The following BCHE variants were observed in gnomAD, a reference collection of about 807,000 sequenced individuals.
The protein encoded by BCHE is cholinesterase.
In BCHE, 48 loss-of-function variants were observed where a neutral mutation model predicts 51.3. That is an observed-to-expected ratio of 0.94 (90% CI 0.74 to 1.19). The LOEUF (loss-of-function observed/expected upper bound fraction) is 1.19. BCHE is among the 50% of genes most tolerant of loss of function. The probability of loss-of-function intolerance (pLI) is 0.00; values close to 1 mark genes in which losing one functional copy is unlikely to be tolerated. For synonymous variants in BCHE, 251 were observed against 238.0 expected, an observed-to-expected ratio of 1.05 and a Z score of -0.50; for missense variants, 847 against 708.2, an observed-to-expected ratio of 1.20 and a Z score of -2.23.
Position 165,829,932 on chromosome 3 carries a change from C to G in BCHE, c.1102G>C (p.Asp368His). Residue 368 changes from aspartate (D) to histidine (H), a missense_variant, in exon 2 of 4, where the codon GAT becomes CAT. Asp to His is a moderately conservative substitution (Grantham distance 81, BLOSUM62 -1). Coordinates refer to ENST00000264381, the MANE Select transcript of BCHE (RefSeq NM_000055.4). ...TTTCTAGTTATGATACTATTGTTAT[C>G]TTTGCTGAAGCCAGGAGCACCATAG... ...LVYGAPGFSK[D>H]NNSIITRKEF... The G allele has an allele frequency of 1.9e-6, 3 of 1,613,480 alleles. No homozygotes were observed. The highest frequency in any genetic ancestry group is 2.5e-6 in the Non-Finnish European group (3 of 1,179,806).
chr3:165,782,205 A>T (rs1712733994), intron 3 of BCHE, among the ~76,000 whole-genome samples: 1 of 152,102 alleles, frequency 6.6e-6, no homozygotes. Flanking sequence ...ATCAATAATA[A>T]TATCCTTTTT....
At chr3:165,793,476 G>T (rs920216723) in intron 2 of BCHE, among the ~76,000 whole-genome samples, 4 of 151,938 alleles carry the variant, frequency 2.6e-5, no homozygotes, top group African/African-American at 9.7e-5. Context: ...TCATTTGATT[G>T]CTTTGTTCAC....
chr3:165,809,974 G>A (rs949443982), intron 2 of BCHE, among the ~76,000 whole-genome samples: 2 of 152,124 alleles, frequency 1.3e-5, no homozygotes, highest in Non-Finnish European at 2.9e-5. Flanking sequence ...ACAGGGGTCA[G>A]TAGAATTTTA....
intron 2 of BCHE, among the ~76,000 whole-genome samples, chr3:165,820,487 T>G (rs1576864420): frequency 6.6e-6 from 1 of 152,112 alleles, no homozygotes; most frequent in East Asian, 1.9e-4. Context: ...AAAAAAAGAT[T>G]TAAAGTGATA....
intron 2 of BCHE, among the ~76,000 whole-genome samples, chr3:165,819,371 C>A (rs913379262): frequency 4.6e-5 from 7 of 151,894 alleles, no homozygotes; most frequent in African/African-American, 9.7e-5. Flanking sequence ...AGCCACCATG[C>A]CTGGCCTAGG....
intron 2 of BCHE, among the ~76,000 whole-genome samples, chr3:165,812,090 T>A (rs142171862): frequency 6.6e-5 from 10 of 152,154 alleles, no homozygotes; most frequent in African/African-American, 2.2e-4. Flanking sequence ...ACCACCTGAA[T>A]TACATCAGGA....
intron 2 of BCHE, among the ~76,000 whole-genome samples, chr3:165,789,457 T>C (rs1462834151): frequency 2.0e-5 from 3 of 152,158 alleles, no homozygotes; most frequent in African/African-American, 7.2e-5. Context: ...ATTATGCATC[T>C]AGCTTCAAAA....
At chr3:165,785,239 C>G (rs1376621879) in intron 3 of BCHE, among the ~76,000 whole-genome samples, 2 of 151,814 alleles carry the variant, frequency 1.3e-5, no homozygotes, top group Admixed American at 6.6e-5. Flanking sequence ...CTGAAAATTA[C>G]AGATCGTCAT....
chr3:165,819,626 CTCTA>C (rs990916237), intron 2 of BCHE, among the ~76,000 whole-genome samples: 25 of 152,098 alleles, frequency 1.6e-4, no homozygotes, highest in African/African-American at 5.5e-4. Flanking sequence ...TATTTTAAGG[CTCTA>C]TCTGTTTTGC....
intron 2 of BCHE, among the ~76,000 whole-genome samples, chr3:165,805,980 C>G (rs1372473863): frequency 6.6e-6 from 1 of 152,070 alleles, no homozygotes; most frequent in African/African-American, 2.4e-5. Flanking sequence ...CAAAGTTACT[C>G]CCCAGTGTAG....
In BCHE at chr3:165,830,878, C is replaced by T. The variant is rs150673481; in HGVS notation, c.156G>A (p.Thr52=). ...AGGGAATTCCAAGAAAGGCTGTTAC[C>T]GTGCCACCAAAAACTGTCAAGTTCA... ...RGMNLTVFGG[T]VTAFLGIPYA... is the part of the protein sequence containing the mutation. The change falls in exon 2 of 4, where the codon ACG becomes ACA. Residue 52 remains threonine, a synonymous_variant. Coordinates refer to ENST00000264381, the MANE Select transcript of BCHE (RefSeq NM_000055.4). 179 of 1,613,878 alleles carry T rather than the reference C, an allele frequency of 1.1e-4. No individual in the cohort carries two copies. The African/African-American group carries it at 1.9e-3, about 17-fold the overall frequency.
intron 2 of BCHE, among the ~76,000 whole-genome samples, chr3:165,804,133 C>T (rs943807110): frequency 6.6e-6 from 1 of 151,262 alleles, no homozygotes; most frequent in Non-Finnish European, 1.5e-5. Context: ...AGAGAGACTA[C>T]ACACACATCA....
At chr3:165,815,836 G>A (rs769631257) in intron 2 of BCHE, among the ~76,000 whole-genome samples, 1 of 151,862 alleles carries the variant, frequency 6.6e-6, no homozygotes, top group Non-Finnish European at 1.5e-5. Flanking sequence ...AGAGCAGCAC[G>A]TACATGTTTT....
In BCHE at chr3:165,809,056, A is replaced by G. The variant is rs575306498; in HGVS notation, c.1517+20461T>C. Among the ~76,000 whole-genome samples the G allele has an allele frequency of 2.1e-3, 313 of 152,284 alleles. 1 individual carries two copies. Among genetic ancestry groups the G allele is most frequent in the African/African-American group, 7.3e-3 (302 of 41,580 alleles). On this transcript the variant is annotated intron_variant, in intron 2 of 3. Coordinates refer to ENST00000264381, the MANE Select transcript of BCHE (RefSeq NM_000055.4). ...TTAAGTTTAAAAAGTAAGAAAGCCAATGACTATGCTTACTTTATTTAAAAA... is the reference window on the plus strand; with the variant it reads ...TTAAGTTTAAAAAGTAAGAAAGCCAGTGACTATGCTTACTTTATTTAAAAA...
At chr3:165,810,171 T>C (rs1714040169) in intron 2 of BCHE, among the ~76,000 whole-genome samples, 1 of 152,216 alleles carries the variant, frequency 6.6e-6, no homozygotes, top group African/African-American at 2.4e-5. Flanking sequence ...TTTTGCTTAC[T>C]GAGTTTTTAA....
chr3:165,797,234 T>TCCTTCCTCCCTCCTTCCTCCCTCCCTCCC (rs1713431586), intron 2 of BCHE, among the ~76,000 whole-genome samples: 1 of 2,940 alleles, frequency 3.4e-4, no homozygotes, highest in Non-Finnish European at 6.1e-4. Context: ...CCTTCTTTCT[T>TCCTTCCTCCCTCCTTCCTCCCTCCCTCCC]CCCTCCCTTC....
At chr3:165,775,536 A>T (rs1712437311) in intron 3 of BCHE, among the ~76,000 whole-genome samples, 1 of 151,608 alleles carries the variant, frequency 6.6e-6, no homozygotes, top group Admixed American at 6.6e-5. Flanking sequence ...TCCAGAAAAA[A>T]TTTTTCTTGA....
chr3:165,837,395 C>T lies in BCHE; in HGVS notation c.-90G>A, dbSNP rs920998371. 4 of 1,289,760 alleles carry T rather than the reference C, an allele frequency of 3.1e-6. No homozygotes were observed. Among genetic ancestry groups the T allele is most frequent in the Middle Eastern group, 4.3e-4 (2 of 4,696 alleles). 79.9% of individuals were successfully genotyped at this position (1,289,760 alleles called of 1,614,324 possible). On this transcript the variant is annotated 5_prime_UTR_variant, in exon 1 of 4. Transcript: ENST00000264381. ...TTCGGGGAAATGCAGGATGCAGCTG[C>T]TGCTCCAGCCTGTAAATTGGACTGC...
In BCHE at chr3:165,786,171, A is replaced by T. The variant is rs753517208; in HGVS notation, c.1658T>A (p.Phe553Tyr). 1 of 1,612,140 alleles carries T rather than the reference A, an allele frequency of 6.2e-7. No homozygotes were observed. The highest frequency in any genetic ancestry group is 1.7e-5 in the Admixed American group (1 of 59,926). Residue 553 changes from phenylalanine to tyrosine, a missense_variant, in exon 3 of 4, where the codon TTT (phenylalanine) becomes TAT (tyrosine). Transcript: ENST00000264381. The stretch of plus-strand genomic sequence containing the variant: ...TGTCATTTCCAAGACTTTTGGAAAA[A>T]ATGATGTCCAGAATCGACATTGTTG... Reference protein sequence around the residue: ...RAQQCRFWTSFFPKVLEMTGN... With the variant: ...RAQQCRFWTSYFPKVLEMTGN...
Sources: gnomAD v4.1 joint callset for allele counts (sites outside exome capture counted in the v4.1 genomes callset) on GRCh38, gnomAD v4.1.1 for gene constraint, MANE v1.5 for transcripts, NCBI Gene and HGNC (gene_info 2026-07-23, HGNC 2026-07-21) for gene names.